The following CTNNA3 variants were observed in gnomAD, a reference collection of about 807,000 sequenced individuals.
CTNNA3 encodes the protein catenin alpha-3.
Under a neutral mutation model 95.7 loss-of-function variants are expected in CTNNA3, and 76 were observed. The ratio of observed to expected loss-of-function variants is 0.79; its 90% confidence interval spans 0.66 to 0.96. The LOEUF (loss-of-function observed/expected upper bound fraction) is 0.96. CTNNA3 is among the 40% of genes least tolerant of loss of function. The pLI is 0.00. For synonymous variants in CTNNA3, 431 were observed against 374.4 expected (o/e 1.15, Z -1.74); for missense variants, 1,191 against 1,089.8 (o/e 1.09, Z -1.31).
intron 9 of CTNNA3, among the ~76,000 whole-genome samples, chr10:66,763,331 C>G (rs372979669): frequency 0.077 from 4,988 of 64,364 alleles, 239 homozygotes; most frequent in East Asian, 0.32. Context: ...CACACACACA[C>G]ACACACACAC....
At chr10:67,137,764 A>T (rs1860368226) in intron 7 of CTNNA3, among the ~76,000 whole-genome samples, 1 of 152,166 alleles carries the variant, frequency 6.6e-6, no homozygotes, top group South Asian at 2.1e-4. Context: ...ATCCTTTTAA[A>T]AAAAGAGTTT....
chr10:67,257,011 A>G (rs1368480344), intron 5 of CTNNA3, among the ~76,000 whole-genome samples: 1 of 152,226 alleles, frequency 6.6e-6, no homozygotes, highest in Non-Finnish European at 1.5e-5. Flanking sequence ...TTATGCTTAT[A>G]GAAACACTTG....
intron 5 of CTNNA3, among the ~76,000 whole-genome samples, chr10:67,512,957 C>CA (rs1839687612): frequency 6.6e-6 from 1 of 152,110 alleles, no homozygotes; most frequent in African/African-American, 2.4e-5. Context: ...TGACTCCAGC[C>CA]TGGCAACAGA....
chr10:67,551,755 A>C (rs1841041804), intron 3 of CTNNA3, among the ~76,000 whole-genome samples: 1 of 152,192 alleles, frequency 6.6e-6, no homozygotes, highest in Non-Finnish European at 1.5e-5. Context: ...GAGGAGGACA[A>C]GGGAACTTTT....
chr10:66,983,690 C>A (rs1450878395), intron 7 of CTNNA3, among the ~76,000 whole-genome samples: 1 of 152,154 alleles, frequency 6.6e-6, no homozygotes, highest in East Asian at 1.9e-4. Context: ...TGGAGGGAGG[C>A]ATAGATAGTT....
At chr10:66,914,196 T>C (rs1431023469) in intron 7 of CTNNA3, among the ~76,000 whole-genome samples, 2 of 148,208 alleles carry the variant, frequency 1.3e-5, no homozygotes, top group Non-Finnish European at 3.0e-5. Flanking sequence ...AGTGGCACGA[T>C]CTCGGCTCAC....
At chr10:66,383,854 T>C (rs1443381180) in intron 11 of CTNNA3, among the ~76,000 whole-genome samples, 1 of 152,122 alleles carries the variant, frequency 6.6e-6, no homozygotes, top group Non-Finnish European at 1.5e-5. Flanking sequence ...CTAAGCTTCA[T>C]AAGTGAAGGA....
intron 5 of CTNNA3, among the ~76,000 whole-genome samples, chr10:67,271,085 AGGC>A (rs2132417837): frequency 6.6e-6 from 1 of 152,330 alleles, no homozygotes; most frequent in East Asian, 1.9e-4. Context: ...GTGAACAAAC[AGGC>A]GGCTTTATCT....
chr10:66,364,153 A>T (rs941964239), intron 12 of CTNNA3, among the ~76,000 whole-genome samples: 7 of 151,056 alleles, frequency 4.6e-5, no homozygotes, highest in South Asian at 4.1e-4. Flanking sequence ...AACCTGACAA[A>T]TTGTTCTTGT....
intron 7 of CTNNA3, among the ~76,000 whole-genome samples, chr10:67,009,481 A>T (rs948698327): frequency 2.6e-4 from 39 of 151,374 alleles, no homozygotes; most frequent in African/African-American, 9.5e-4. Context: ...TCTGTTTTTC[A>T]TTGAACCTCT....
chr10:66,664,302 G>A (rs745414301), intron 9 of CTNNA3, among the ~76,000 whole-genome samples: 4 of 152,058 alleles, frequency 2.6e-5, no homozygotes, highest in Non-Finnish European at 5.9e-5. Context: ...TTTAAAAAGT[G>A]TCAATCAGAT....
rs777713569 is a variant in CTNNA3, at chr10:66,736,191, C to CT, written c.1281+30072dup. ...AAGACCTAGTGAAAAGTGACGAATA[C>CT]TTTTTTTTTTTTTAGACTGAGTCTC... On this transcript the variant is annotated intron_variant, in intron 9 of 17. Transcript: ENST00000433211. Among the ~76,000 whole-genome samples, 735 of 144,914 alleles carry CT rather than the reference C, an allele frequency of 5.1e-3. 6 individuals are homozygous for CT. Among genetic ancestry groups the CT allele is most frequent in the African/African-American group, 0.016 (637 of 39,768 alleles).
At chr10:67,024,819 A>C (rs117554301) in intron 7 of CTNNA3, among the ~76,000 whole-genome samples, 3,754 of 152,268 alleles carry the variant, frequency 0.025, 73 homozygotes, top group Non-Finnish European at 0.031. Flanking sequence ...TATAACCAAT[A>C]TTAATGAATT....
chr10:67,380,197 G>A (rs1010387604), intron 5 of CTNNA3, among the ~76,000 whole-genome samples: 2 of 152,090 alleles, frequency 1.3e-5, no homozygotes, highest in African/African-American at 2.4e-5. Context: ...ATTTTTGAAA[G>A]ATTATATTTT....
intron 7 of CTNNA3, among the ~76,000 whole-genome samples, chr10:66,823,681 TTGAG>T (rs922814032): frequency 9.2e-5 from 14 of 152,366 alleles, no homozygotes; most frequent in Non-Finnish European, 1.6e-4. Context: ...TTAATGTTTA[TTGAG>T]TGAGTTTTGT....
At position 67,564,368 on chromosome 10, in the gene CTNNA3, C is replaced by T. The variant is rs564270421; in HGVS notation, c.293-24699G>A. Among the ~76,000 whole-genome samples the T allele has an allele frequency of 3.5e-4, 52 of 148,628 alleles. 3 individuals carry two copies. Among genetic ancestry groups the T allele is most frequent in the African/African-American group, 9.2e-4 (37 of 40,160 alleles). ...GGGACATGGATGGAGCTGGTAACCA[C>T]CATTCTGAGCAAACTATCGCAAGGA... is the stretch of plus-strand genomic sequence containing the variant. On this transcript the variant is annotated intron_variant, in intron 3 of 17. Transcript: ENST00000433211.
intron 13 of CTNNA3, among the ~76,000 whole-genome samples, chr10:66,243,691 A>G (rs980068540): frequency 5.3e-5 from 8 of 152,176 alleles, no homozygotes; most frequent in African/African-American, 1.9e-4. Context: ...CACCTTGGGT[A>G]CATGTTTTCA....
chr10:67,371,024 G>T (rs1048756257), intron 5 of CTNNA3, among the ~76,000 whole-genome samples: 1 of 150,858 alleles, frequency 6.6e-6, no homozygotes, highest in Non-Finnish European at 1.5e-5. Flanking sequence ...CCGCCGCTAC[G>T]CCCGGCTAAT....
chr10:67,229,613 G>A (rs117781369), intron 5 of CTNNA3, among the ~76,000 whole-genome samples: 1 of 152,166 alleles, frequency 6.6e-6, no homozygotes, highest in African/African-American at 2.4e-5. Flanking sequence ...CAAGAATTCA[G>A]CAAATTTTCC....
Sources: allele counts gnomAD v4.1 joint callset (sites outside exome capture counted in the v4.1 genomes callset), GRCh38; gene constraint gnomAD v4.1.1; transcripts MANE v1.5; gene names NCBI Gene and HGNC (gene_info 2026-07-23, HGNC 2026-07-21).